CERT1: variants seen among roughly 807,000 people sequenced by gnomAD.
The protein encoded by CERT1 is ceramide transfer protein.
CERT1 carries 31 observed loss-of-function variants against 87.9 expected under a neutral mutation model. The observed-to-expected ratio is 0.35, with a 90% CI of 0.27 to 0.48. The LOEUF (loss-of-function observed/expected upper bound fraction) is 0.48, where lower values mean the gene tolerates loss of function less well. Ranked by LOEUF, CERT1 falls within the 20% of genes least tolerant of loss-of-function variation. CERT1 has a pLI of 0.99. For missense variants in CERT1, 487 were observed against 758.0 expected (o/e 0.64, Z 4.20); for synonymous variants, 289 against 250.9 (o/e 1.15, Z -1.44).
rs373894836 is a variant in CERT1 at position 75,400,300 on chromosome 5, A to G, written c.1018-3T>C. The G allele has an allele frequency of 1.3e-6, 2 of 1,595,134 alleles. No individual in the cohort carries two copies. The highest frequency in any genetic ancestry group is 1.3e-5 in the African/African-American group (1 of 74,438). On this transcript the variant is annotated splice_polypyrimidine_tract_variant and splice_region_variant and intron_variant, in intron 9 of 16. Coordinates refer to ENST00000643780, the MANE Select transcript of CERT1 (RefSeq NM_001379029.1). The stretch of plus-strand genomic sequence containing the variant: ...AATCTCACCTTTTCACTCTGTGACT[A>G]AAAAAACATATAATATTAAGATGGG...
intron 6 of CERT1, among the ~76,000 whole-genome samples, chr5:75,417,954 C>T (rs1307171957): frequency 1.3e-5 from 2 of 152,180 alleles, no homozygotes; most frequent in African/African-American, 2.4e-5. Flanking sequence ...GCTGGGAGTT[C>T]GAGACCAGCC....
At chr5:75,485,785 T>C (rs1377005380) in intron 2 of CERT1, among the ~76,000 whole-genome samples, 3 of 152,222 alleles carry the variant, frequency 2.0e-5, no homozygotes, top group Non-Finnish European at 4.4e-5. Flanking sequence ...CCTAGACAGA[T>C]ACAACCTACC....
intron 3 of CERT1, among the ~76,000 whole-genome samples, chr5:75,443,072 G>A (rs928184382): frequency 6.6e-6 from 1 of 152,070 alleles, no homozygotes; most frequent in Non-Finnish European, 1.5e-5. Context: ...ACATCCCTAC[G>A]TTAATTCCTG....
intron 16 of CERT1, 73 bp from the exon 17 acceptor site, chr5:75,379,546 C>A: frequency 7.3e-7 from 1 of 1,377,184 alleles, no homozygotes; most frequent in South Asian, 1.3e-5. Context: ...TTAATTTGTT[C>A]CCTTGTTTTT....
intron 11 of CERT1, among the ~76,000 whole-genome samples, chr5:75,395,060 T>C (rs1206902439): frequency 6.6e-6 from 1 of 152,204 alleles, no homozygotes; most frequent in Non-Finnish European, 1.5e-5. Context: ...AATGTGCTCC[T>C]ATGGACAAAG....
At chr5:75,422,616 C>G (rs763967149) in intron 5 of CERT1, among the ~76,000 whole-genome samples, 13 of 152,074 alleles carry the variant, frequency 8.5e-5, no homozygotes, top group Non-Finnish European at 1.9e-4. Flanking sequence ...GACCCAGTAT[C>G]AAATAAAAAT....
chr5:75,372,298 G>A (rs1442818739), intron 17 of CERT1: 1 of 152,062 alleles, frequency 6.6e-6, no homozygotes, highest in Non-Finnish European at 1.5e-5. Flanking sequence ...CGGCTATGGT[G>A]AATAAACCTG....
chr5:75,503,756 A>G (rs897106248), intron 2 of CERT1, among the ~76,000 whole-genome samples: 10 of 75,894 alleles, frequency 1.3e-4, no homozygotes, highest in African/African-American at 5.0e-4. Context: ...ATGCATGTAC[A>G]TATAGCTATA....
intron 2 of CERT1, among the ~76,000 whole-genome samples, chr5:75,490,688 T>C (rs370439544): frequency 2.0e-5 from 3 of 151,974 alleles, no homozygotes; most frequent in African/African-American, 7.2e-5. Context: ...TTAGTAGAGA[T>C]GGGATTTCAC....
chr5:75,397,282 A>G (rs969157311), intron 11 of CERT1, among the ~76,000 whole-genome samples: 1 of 152,234 alleles, frequency 6.6e-6, no homozygotes, highest in East Asian at 1.9e-4. Flanking sequence ...AAAGGCTAAA[A>G]CAGGATCTGA....
At chr5:75,475,390 C>T (rs538458846) in intron 2 of CERT1, among the ~76,000 whole-genome samples, 20 of 152,240 alleles carry the variant, frequency 1.3e-4, no homozygotes, top group African/African-American at 4.3e-4. Flanking sequence ...TCCCAATTTT[C>T]GTTTTAAGTG....
chr5:75,429,640 C>T (rs577980018), intron 3 of CERT1, among the ~76,000 whole-genome samples: 1 of 152,114 alleles, frequency 6.6e-6, no homozygotes, highest in South Asian at 2.1e-4. Flanking sequence ...GCTCTAAACG[C>T]ACCCCTATAC....
At chr5:75,478,909 TAAAAAAAAAAA>T (rs11438163) in intron 2 of CERT1, among the ~76,000 whole-genome samples, 5 of 21,748 alleles carry the variant, frequency 2.3e-4, no homozygotes, top group Admixed American at 7.9e-4. Context: ...AAGTAAGTAC[TAAAAAAAAAAA>T]AAAAAAAAAA....
Position 75,447,854 on chromosome 5 carries a change from TAGCCTCAAACTCC to T in CERT1, c.348+11198_348+11210del, listed in dbSNP as rs537944551. Among the ~76,000 whole-genome samples, 137 of 152,196 alleles carry T rather than the reference TAGCCTCAAACTCC, an allele frequency of 9.0e-4. 1 individual carries two copies. Among genetic ancestry groups the T allele is most frequent in the African/African-American group, 3.0e-3 (126 of 41,520 alleles). ...GCAATAATGTGATCATAGCTCACTGTAGCCTCAAACTCCAGGCTCAAACAATCCTCCTGACTCA... is the reference window on the plus strand; with the variant it reads ...GCAATAATGTGATCATAGCTCACTGTAGGCTCAAACAATCCTCCTGACTCA... On this transcript the variant is annotated intron_variant, in intron 3 of 16. Transcript: ENST00000643780.
chr5:75,467,350 T>C (rs189822708), intron 2 of CERT1, among the ~76,000 whole-genome samples: 8 of 152,116 alleles, frequency 5.3e-5, no homozygotes, highest in Non-Finnish European at 8.8e-5. Flanking sequence ...TATAAAGAGG[T>C]AGCATATGAA....
intron 8 of CERT1, among the ~76,000 whole-genome samples, chr5:75,406,072 G>A (rs1196601495): frequency 2.5e-4 from 38 of 152,278 alleles, no homozygotes; most frequent in Non-Finnish European, 7.4e-5. Context: ...CTACTGCAGG[G>A]AGAATGACTT....
downstream of CERT1, chr5:75,374,398 A>G (rs1761205653): frequency 1.8e-6 from 1 of 561,990 alleles, no homozygotes; most frequent in East Asian, 2.8e-5. Context: ...TCAAAGGTAT[A>G]TGGAATTTTT....
intron 2 of CERT1, among the ~76,000 whole-genome samples, chr5:75,470,422 T>C (rs886467044): frequency 6.6e-6 from 1 of 152,046 alleles, no homozygotes; most frequent in Non-Finnish European, 1.5e-5. Context: ...TACATGGAAA[T>C]TAAACATCAT....
chr5:75,418,881 A>G (rs954806245), intron 6 of CERT1, among the ~76,000 whole-genome samples: 2 of 152,224 alleles, frequency 1.3e-5, no homozygotes, highest in Non-Finnish European at 2.9e-5. Context: ...TATAAATGTT[A>G]ACTATCTTGA....
Sources: gnomAD v4.1 joint callset for allele counts (sites outside exome capture counted in the v4.1 genomes callset) on GRCh38, gnomAD v4.1.1 for gene constraint, MANE v1.5 for transcripts, NCBI Gene and HGNC (gene_info 2026-07-23, HGNC 2026-07-21) for gene names.